Variants in MOB3B observed in about 807,000 individuals in gnomAD.
MOB3B encodes the protein MOB kinase activator 3B, also known as MOB kinase activator-like 2B.
Under a neutral mutation model 18.7 loss-of-function variants are expected in MOB3B, and 7 were observed. The ratio of observed to expected loss-of-function variants is 0.37; its 90% CI spans 0.21 to 0.70. The LOEUF (loss-of-function observed/expected upper bound fraction) is 0.70. Ranked by LOEUF, MOB3B falls within the 30% of genes least tolerant of loss-of-function variation. The pLI is 0.52. For missense variants in MOB3B, 253 were observed against 281.3 expected (o/e 0.90, Z 0.72); for synonymous variants, 111 against 99.9 (o/e 1.11, Z -0.66).
chr9:27,527,273 T>G (rs1300383619), intron 1 of MOB3B, among the ~76,000 whole-genome samples: 1 of 152,244 alleles, frequency 6.6e-6, no homozygotes, highest in African/African-American at 2.4e-5. Context: ...GCTTCTGGGT[T>G]GCTGCTGCTA....
chr9:27,475,218 T>A (rs1819536167), intron 1 of MOB3B, among the ~76,000 whole-genome samples: 1 of 152,358 alleles, frequency 6.6e-6, no homozygotes, highest in African/African-American at 2.4e-5. Flanking sequence ...TTCACCAGGA[T>A]CTGAATCCTG....
At chr9:27,439,804 G>A (rs1221546152) in intron 2 of MOB3B, among the ~76,000 whole-genome samples, 2 of 152,098 alleles carry the variant, frequency 1.3e-5, no homozygotes, top group Non-Finnish European at 2.9e-5. Flanking sequence ...CAAAAAAAAT[G>A]GAATGGAGCC....
At chr9:27,396,247 T>C (rs1587179782) in intron 2 of MOB3B, among the ~76,000 whole-genome samples, 1 of 152,334 alleles carries the variant, frequency 6.6e-6, no homozygotes, top group East Asian at 1.9e-4. Flanking sequence ...TATTTTCTTG[T>C]TCAAGAAATA....
chr9:27,384,026 A>T (rs535803741), intron 2 of MOB3B, among the ~76,000 whole-genome samples: 1 of 152,306 alleles, frequency 6.6e-6, no homozygotes, highest in Non-Finnish European at 1.5e-5. Flanking sequence ...TTCTACAGTA[A>T]AGAAACCTGC....
chr9:27,326,405 T>G lies in MOB3B; in HGVS notation c.*4182A>C, dbSNP rs1219936996. ...TCTGATTAATTGTATTTTCACTTATTATATATCATCTTTGGACCTTTCTAA... is the reference window on the plus strand; with the variant it reads ...TCTGATTAATTGTATTTTCACTTATGATATATCATCTTTGGACCTTTCTAA... On this transcript the variant is annotated 3_prime_UTR_variant, in exon 4 of 4. Transcript: ENST00000262244. 1 of 398,386 alleles carries G rather than the reference T, an allele frequency of 2.5e-6. No individual in the cohort carries two copies. Among genetic ancestry groups the G allele is most frequent in the African/African-American group, 2.1e-5 (1 of 48,640 alleles). The allele number at this position is 398,386 out of a possible 1,614,324, so 24.7% of individuals were successfully genotyped here. A position where few individuals can be genotyped will look rare whatever the true frequency, so the allele number is the denominator to read the frequency against.
At chr9:27,359,497 G>A (rs549981487) in intron 2 of MOB3B, among the ~76,000 whole-genome samples, 21 of 152,154 alleles carry the variant, frequency 1.4e-4, no homozygotes, top group African/African-American at 5.1e-4. Flanking sequence ...TGTTGTTAGA[G>A]CTTCTAATTT....
At chr9:27,516,564 A>G (rs1820237870) in intron 1 of MOB3B, among the ~76,000 whole-genome samples, 1 of 152,248 alleles carries the variant, frequency 6.6e-6, no homozygotes, top group Non-Finnish European at 1.5e-5. Context: ...GTTATGTTCA[A>G]AATTCTGTGG....
At chr9:27,456,311 C>CGTGT (rs1822870209) in intron 1 of MOB3B, among the ~76,000 whole-genome samples, 1 of 152,042 alleles carries the variant, frequency 6.6e-6, no homozygotes, top group African/African-American at 2.4e-5. Context: ...TTGCTTGGAC[C>CGTGT]GTGTGTAGTG....
At chr9:27,469,452 C>A (rs1367880040) in intron 1 of MOB3B, among the ~76,000 whole-genome samples, 2 of 152,168 alleles carry the variant, frequency 1.3e-5, no homozygotes, top group African/African-American at 4.8e-5. Flanking sequence ...TCATCCCACA[C>A]AACACCACGA....
chr9:27,384,105 G>A (rs576655657), intron 2 of MOB3B, among the ~76,000 whole-genome samples: 179 of 151,982 alleles, frequency 1.2e-3, no homozygotes, highest in African/African-American at 4.1e-3. Context: ...TAGAAACTTT[G>A]GGGAATATTG....
At chr9:27,400,402 G>A (rs961493445) in intron 2 of MOB3B, among the ~76,000 whole-genome samples, 4 of 152,042 alleles carry the variant, frequency 2.6e-5, no homozygotes, top group South Asian at 2.1e-4. Flanking sequence ...TTTTATGCCC[G>A]CCTAGCTGTG....
intron 2 of MOB3B, among the ~76,000 whole-genome samples, chr9:27,373,947 C>A (rs1042234751): frequency 6.6e-6 from 1 of 152,240 alleles, no homozygotes. Flanking sequence ...ACTCTTGCAG[C>A]AAGTAGCCTA....
At position 27,524,996 on chromosome 9, in the gene MOB3B, G is replaced by A. The variant is rs755643348; in HGVS notation, c.-199+4559C>T. ...TGGAATTAAAATTCCTTTTCCCTCC[G>A]AAATCTCTTTCTCCTTCTCCTCCTC... On this transcript the variant is annotated intron_variant, in intron 1 of 3. Coordinates refer to ENST00000262244, the MANE Select transcript of MOB3B (RefSeq NM_024761.5). The A allele has an allele frequency of 4.6e-5, 68 of 1,489,584 alleles. 1 individual carries two copies. Among genetic ancestry groups the A allele is most frequent in the South Asian group, 4.2e-4 (31 of 74,432 alleles). The allele number at this position is 1,489,584 out of a possible 1,614,324, so 92.3% of individuals were successfully genotyped here.
At chr9:27,405,987 C>T (rs1821963142) in intron 2 of MOB3B, among the ~76,000 whole-genome samples, 1 of 152,080 alleles carries the variant, frequency 6.6e-6, no homozygotes, top group South Asian at 2.1e-4. Flanking sequence ...CTAGGAAAAA[C>T]TAAAGTTTTT....
At chr9:27,483,125 CTTTTTTTTTTTTTT>C (rs71492747) in intron 1 of MOB3B, among the ~76,000 whole-genome samples, 1 of 68,544 alleles carries the variant, frequency 1.5e-5, no homozygotes, top group Non-Finnish European at 2.5e-5. Context: ...ATATACGGTA[CTTTTTTTTTTTTTT>C]TTTTTTTTTT....
chr9:27,359,384 G>C (rs541354630), intron 2 of MOB3B, 148 bp from the exon 3 acceptor site: 4 of 633,952 alleles, frequency 6.3e-6, no homozygotes, highest in African/African-American at 5.5e-5. Flanking sequence ...TGTGTGGGGG[G>C]GGGGGGTTGG....
chr9:27,429,641 T>G (rs1221982000), intron 2 of MOB3B, among the ~76,000 whole-genome samples: 1 of 152,152 alleles, frequency 6.6e-6, no homozygotes, highest in Admixed American at 6.5e-5. Context: ...GGCTGGGCAC[T>G]GGAGACTGAG....
intron 2 of MOB3B, 49 bp from the exon 3 acceptor site, chr9:27,359,285 C>A (rs757294693): frequency 6.6e-7 from 1 of 1,526,682 alleles, no homozygotes. Context: ...GGGATAGATC[C>A]TTTTCCTCTT....
At position 27,327,030 on chromosome 9, in the gene MOB3B, A is replaced by G. The variant is rs1204139398; in HGVS notation, c.*3557T>C. On this transcript the variant is annotated 3_prime_UTR_variant, in exon 4 of 4. Coordinates refer to ENST00000262244, the MANE Select transcript of MOB3B (RefSeq NM_024761.5). ...AAAAAATAAAAGCGTTGAATATTTCACCTCTGGCTACAGGGAGCATACAAA... is the reference window on the plus strand; with the variant it reads ...AAAAAATAAAAGCGTTGAATATTTCGCCTCTGGCTACAGGGAGCATACAAA... 6.5e-6 allele frequency: 1 copy of G among 152,970 alleles called. No individual in the cohort carries two copies. The highest frequency in any genetic ancestry group is 1.5e-5 in the Non-Finnish European group (1 of 68,684). 9.5% of individuals were successfully genotyped at this position (152,970 alleles called of 1,614,324 possible).
Sources: allele counts gnomAD v4.1 joint callset (sites outside exome capture counted in the v4.1 genomes callset), GRCh38; gene constraint gnomAD v4.1.1; transcripts MANE v1.5; gene names NCBI Gene and HGNC (gene_info 2026-07-23, HGNC 2026-07-21).